Variants in DNAH14 observed in about 807,000 individuals in gnomAD.
The protein encoded by DNAH14 is axonemal beta dynein heavy chain 14.
In DNAH14, 478 loss-of-function variants were observed where a neutral mutation model predicts 520.9. The ratio of observed to expected loss-of-function variants is 0.92; its 90% CI spans 0.85 to 0.99. The LOEUF is 0.99. Ranked by LOEUF, DNAH14 falls within the 50% of genes least tolerant of loss-of-function variation. The pLI is 0.00. For synonymous variants in DNAH14, 1,581 were observed against 1,757.2 expected, an observed-to-expected ratio of 0.90 and a Z score of 2.51; for missense variants, 4,831 against 5,234.5, an observed-to-expected ratio of 0.92 and a Z score of 2.38.
chr1:225,136,897 A>G (rs2078995553), intron 27 of DNAH14, among the ~76,000 whole-genome samples: 2 of 152,172 alleles, frequency 1.3e-5, no homozygotes, highest in South Asian at 4.1e-4. Flanking sequence ...TATTTCAGAA[A>G]GATAGTCTTC....
intron 71 of DNAH14, among the ~76,000 whole-genome samples, chr1:225,350,672 T>C (rs996916549): frequency 1.6e-4 from 24 of 152,090 alleles, no homozygotes; most frequent in African/African-American, 5.3e-4. Flanking sequence ...ATAAATTCCT[T>C]GTAGTCTACC....
intron 8 of DNAH14, among the ~76,000 whole-genome samples, chr1:224,976,969 C>A (rs1284701373): frequency 1.3e-5 from 2 of 151,004 alleles, no homozygotes; most frequent in African/African-American, 2.4e-5. Context: ...ACCATTTGAC[C>A]CAGCCATCCC....
chr1:225,276,975 A>G (rs1432307667), intron 53 of DNAH14, among the ~76,000 whole-genome samples: 89 of 61,436 alleles, frequency 1.4e-3, no homozygotes, highest in African/African-American at 6.1e-3. Flanking sequence ...GGAAGGAAGG[A>G]AGGAAGGAAG....
At chr1:225,321,547 C>A (rs1437163371) in intron 61 of DNAH14, among the ~76,000 whole-genome samples, 4 of 152,142 alleles carry the variant, frequency 2.6e-5, no homozygotes, top group African/African-American at 9.6e-5. Context: ...GAAGTCTGTG[C>A]GATTTTCACT....
chr1:225,168,620 C>A (rs1258711831), intron 36 of DNAH14, among the ~76,000 whole-genome samples: 1 of 152,202 alleles, frequency 6.6e-6, no homozygotes, highest in Non-Finnish European at 1.5e-5. Context: ...CCTGCTATTG[C>A]TGAGGCTTGA....
chr1:225,154,224 A>G (rs1449826656), intron 34 of DNAH14, among the ~76,000 whole-genome samples: 1 of 152,110 alleles, frequency 6.6e-6, no homozygotes, highest in Non-Finnish European at 1.5e-5. Context: ...GAAATAATAT[A>G]CCACATTAAT....
intron 35 of DNAH14, among the ~76,000 whole-genome samples, chr1:225,160,071 G>A (rs1400939546): frequency 6.6e-6 from 1 of 152,164 alleles, no homozygotes; most frequent in Admixed American, 6.6e-5. Flanking sequence ...CAAAGCAACT[G>A]TTGGCTTAAT....
At chr1:225,267,350 G>A (rs925690406) in intron 49 of DNAH14, among the ~76,000 whole-genome samples, 21 of 145,684 alleles carry the variant, frequency 1.4e-4, no homozygotes, top group Non-Finnish European at 3.1e-4. Context: ...CTGGAGTGCA[G>A]TGGCACAATC....
chr1:225,346,381 G>A lies in DNAH14; in HGVS notation c.11097+1G>A, dbSNP rs1558477465. ...CATGTTGACAAAAAGTATTTTTAAG[G>A]TGAGATATTCTTTAGTGTGAATTTT... On this transcript the variant is annotated splice_donor_variant, in intron 70 of 85. Transcript: ENST00000682510. LOFTEE classifies it high-confidence loss of function. 6.6e-7 allele frequency: 1 copy of A among 1,525,246 alleles called. No individual in the cohort carries two copies. Among genetic ancestry groups the A allele is most frequent in the Non-Finnish European group, 8.8e-7 (1 of 1,138,058 alleles). 94.5% of individuals were successfully genotyped at this position (1,525,246 alleles called of 1,614,324 possible). A position where few individuals can be genotyped will look rare whatever the true frequency, so the allele number is the denominator to read the frequency against.
rs560288170 is a variant in DNAH14 at position 225,367,844 on chromosome 1, C to T, written c.12130C>T (p.Leu4044Phe). ...TCCCCAGGGATTGAAAAGTAACTTA[C>T]TTCAGACATTTGGATGTACTGGGAG... ...ESPQGLKSNL[L>F]QTFGCTGSGE... Residue 4044 changes from leucine to phenylalanine, a missense_variant, in exon 77 of 86, where the codon CTT becomes TTT. Transcript: ENST00000682510. The T allele has an allele frequency of 7.1e-5, 110 of 1,551,496 alleles. No homozygotes were observed. The highest frequency in any genetic ancestry group is 9.5e-5 in the Non-Finnish European group (109 of 1,146,816).
intron 8 of DNAH14, among the ~76,000 whole-genome samples, chr1:224,974,642 A>C (rs932059943): frequency 9.9e-5 from 15 of 152,166 alleles, no homozygotes; most frequent in African/African-American, 3.4e-4. Context: ...GGGCATTGAC[A>C]ATGATATATA....
intron 53 of DNAH14, among the ~76,000 whole-genome samples, chr1:225,276,673 G>A (rs1325824477): frequency 1.3e-5 from 2 of 151,916 alleles, no homozygotes; most frequent in African/African-American, 4.8e-5. Flanking sequence ...TGAGGCAGGA[G>A]GATCACTTGA....
intron 39 of DNAH14, 25 bp downstream of exon 39, chr1:225,204,298 GA>G: frequency 7.6e-7 from 1 of 1,311,560 alleles, no homozygotes; most frequent in East Asian, 2.8e-5. Flanking sequence ...ATTCAAGAAA[GA>G]TTATTAATAT....
At chr1:225,322,930 C>A in intron 62 of DNAH14, 107 bp downstream of exon 62, 2 of 1,166,200 alleles carry the variant, frequency 1.7e-6, no homozygotes, top group Non-Finnish European at 2.3e-6. Flanking sequence ...AGACTATTTT[C>A]TAGGAAAATA....
At chr1:225,276,853 C>T (rs1178475723) in intron 53 of DNAH14, among the ~76,000 whole-genome samples, 1 of 149,476 alleles carries the variant, frequency 6.7e-6, no homozygotes, top group Non-Finnish European at 1.5e-5. Flanking sequence ...CCCAGGAGGT[C>T]GAGGCTGCAG....
chr1:225,397,737 T>C (rs2096035815), intron 84 of DNAH14: 1 of 152,222 alleles, frequency 6.6e-6, no homozygotes, highest in Admixed American at 6.5e-5. Context: ...CTATTTAACC[T>C]ATATCATTCA....
intron 77 of DNAH14, among the ~76,000 whole-genome samples, chr1:225,374,263 TATATA>T (rs770852334): frequency 0.022 from 2,141 of 99,294 alleles, 106 homozygotes; most frequent in East Asian, 0.044. Flanking sequence ...TATATATATA[TATATA>T]TATTTTTTTT....
At chr1:225,354,117 C>G (rs1054582644) in intron 73 of DNAH14, 1 of 704,750 alleles carries the variant, frequency 1.4e-6, no homozygotes, top group Non-Finnish European at 2.6e-6. Flanking sequence ...CATTTATTCT[C>G]CCCCAGAAAG....
intron 84 of DNAH14, among the ~76,000 whole-genome samples, chr1:225,393,965 C>T (rs1467401221): frequency 2.0e-5 from 3 of 151,974 alleles, no homozygotes; most frequent in South Asian, 2.1e-4. Flanking sequence ...ACTACAGGCG[C>T]CCACCACCAC....
Sources: gnomAD v4.1 joint callset for allele counts (sites outside exome capture counted in the v4.1 genomes callset) on GRCh38, gnomAD v4.1.1 for gene constraint, MANE v1.5 for transcripts, NCBI Gene and HGNC (gene_info 2026-07-23, HGNC 2026-07-21) for gene names.